Variants in RALYL observed in about 807,000 individuals in gnomAD.
The protein encoded by RALYL is RNA-binding Raly-like protein.
In RALYL, 29 loss-of-function variants were observed where a neutral mutation model predicts 35.1. The observed-to-expected ratio is 0.83, with a 90% CI of 0.61 to 1.13. The LOEUF is 1.13. Among genes scored for constraint, RALYL ranks in the 50% most tolerant of loss-of-function variants. RALYL has a pLI of 0.00. For synonymous variants in RALYL, 120 were observed against 127.6 expected (o/e 0.94, Z 0.40); for missense variants, 359 against 360.4 (o/e 1.00, Z 0.03).
At chr8:84,622,546 C>G (rs183825738) in intron 2 of RALYL, among the ~76,000 whole-genome samples, 70 of 152,228 alleles carry the variant, frequency 4.6e-4, no homozygotes, top group Non-Finnish European at 1.9e-4. Context: ...GAGGGATGTC[C>G]TCAGGGTTAG....
intron 1 of RALYL, among the ~76,000 whole-genome samples, chr8:84,234,795 C>T (rs190325219): frequency 4.0e-5 from 6 of 149,670 alleles, no homozygotes; most frequent in East Asian, 2.0e-4. Context: ...GATGGAGTCT[C>T]GCTCTGTAGC....
rs779600170 is a variant in RALYL, at chr8:84,657,732, T to A, written c.257-116847T>A. Among the ~76,000 whole-genome samples, 3 of 152,108 alleles carry A rather than the reference T, an allele frequency of 2.0e-5. No individual in the cohort carries two copies. The South Asian group carries it at 6.2e-4, about 31-fold the overall frequency. ...TGGGGGGATAAATCAAGAAAGAAGA[T>A]GGGAGATCCAGGAAACTGTGGACCT... is the stretch of plus-strand genomic sequence containing the variant. On this transcript the variant is annotated intron_variant, in intron 2 of 8. Transcript: ENST00000521268.
At chr8:84,251,261 G>A (rs1376059628) in intron 1 of RALYL, among the ~76,000 whole-genome samples, 1 of 152,046 alleles carries the variant, frequency 6.6e-6, no homozygotes, top group Non-Finnish European at 1.5e-5. Context: ...CTCAGAGGAG[G>A]ACTCAGAAAT....
intron 2 of RALYL, among the ~76,000 whole-genome samples, chr8:84,739,303 A>G (rs1219985550): frequency 6.6e-6 from 1 of 151,930 alleles, no homozygotes; most frequent in Non-Finnish European, 1.5e-5. Context: ...CACTGGAAAG[A>G]GAAAAAAGCT....
chr8:84,215,897 A>AAAATGTGT (rs1411971654), intron 1 of RALYL, among the ~76,000 whole-genome samples: 3 of 152,190 alleles, frequency 2.0e-5, no homozygotes, highest in South Asian at 4.1e-4. Context: ...GGGATAAAAT[A>AAAATGTGT]AAATGTGTGT....
At chr8:84,781,840 A>G (rs894825799) in intron 3 of RALYL, among the ~76,000 whole-genome samples, 19 of 152,166 alleles carry the variant, frequency 1.2e-4, no homozygotes, top group Non-Finnish European at 4.4e-5. Flanking sequence ...CGAAAACAGG[A>G]GCAAAATAAT....
chr8:84,362,931 T>C (rs891049710), intron 1 of RALYL, among the ~76,000 whole-genome samples: 3 of 152,044 alleles, frequency 2.0e-5, no homozygotes, highest in African/African-American at 7.2e-5. Context: ...CCTTATACAA[T>C]TGCAGGACAC....
At chr8:84,708,787 A>AT (rs1002162917) in intron 2 of RALYL, among the ~76,000 whole-genome samples, 3 of 152,170 alleles carry the variant, frequency 2.0e-5, no homozygotes, top group African/African-American at 7.2e-5. Flanking sequence ...TTGAGAAAAC[A>AT]TTTTTGGAGT....
chr8:84,658,053 C>A (rs1401482688), intron 2 of RALYL, among the ~76,000 whole-genome samples: 1 of 152,074 alleles, frequency 6.6e-6, no homozygotes, highest in Non-Finnish European at 1.5e-5. Flanking sequence ...CTCCCATGTG[C>A]AATGAAAGTT....
Position 84,293,279 on chromosome 8 carries a change from G to A in RALYL, c.-24+108855G>A, listed in dbSNP as rs575154527. Among the ~76,000 whole-genome samples, 2 of 152,216 alleles carry A rather than the reference G, an allele frequency of 1.3e-5. 1 individual carries two copies. On this transcript the variant is annotated intron_variant, in intron 1 of 8. Coordinates refer to ENST00000521268, the MANE Select transcript of RALYL (RefSeq NM_173848.7). ...CCAATTGTTAGTCCTATTAATTAAC[G>A]TTCATATGACTACAATGGTAGAACC...
At chr8:84,649,298 G>T (rs2131489719) in intron 2 of RALYL, among the ~76,000 whole-genome samples, 1 of 152,094 alleles carries the variant, frequency 6.6e-6, no homozygotes. Flanking sequence ...GATCCCATTT[G>T]TCAACTTTGG....
chr8:84,413,786 G>A (rs964910902), intron 1 of RALYL, among the ~76,000 whole-genome samples: 7 of 151,914 alleles, frequency 4.6e-5, no homozygotes, highest in Non-Finnish European at 7.4e-5. Flanking sequence ...TTAGTGTTAC[G>A]ATAGGCAGTT....
intron 2 of RALYL, among the ~76,000 whole-genome samples, chr8:84,574,148 CT>C: frequency 1.3e-5 from 2 of 151,944 alleles, no homozygotes; most frequent in Non-Finnish European, 2.9e-5. Context: ...TAGCTTGTTT[CT>C]TTTTGAGGCA....
In RALYL at chr8:84,810,439, T is replaced by C. The variant is rs1825660119; in HGVS notation, c.365+5637T>C. On this transcript the variant is annotated intron_variant, in intron 4 of 8. Coordinates refer to ENST00000521268, the MANE Select transcript of RALYL (RefSeq NM_173848.7). ...TGTTTTAGAAAGTCCCATGCACTCT[T>C]GAATAGAATGTGTGTATTCTACAGT... 5.3e-5 allele frequency among the ~76,000 whole-genome samples: 8 copies of C among 152,298 alleles called. No individual in the cohort carries two copies. In the South Asian group the frequency reaches 1.7e-3, roughly 32 times the overall value.
chr8:84,480,147 A>C (rs930458466), intron 1 of RALYL, among the ~76,000 whole-genome samples: 8 of 152,278 alleles, frequency 5.3e-5, no homozygotes, highest in African/African-American at 1.9e-4. Flanking sequence ...ATTATTAATT[A>C]ATTATATTTT....
chr8:84,402,785 A>G (rs975036847), intron 1 of RALYL, among the ~76,000 whole-genome samples: 1 of 152,178 alleles, frequency 6.6e-6, no homozygotes, highest in African/African-American at 2.4e-5. Flanking sequence ...GTAGTTTGTA[A>G]AAATGTTCCT....
At position 84,523,440 on chromosome 8, in the gene RALYL, G is replaced by A. The variant is rs2058624392; in HGVS notation, c.-23-5859G>A. Among the ~76,000 whole-genome samples the A allele has an allele frequency of 2.0e-5, 3 of 152,116 alleles. No homozygotes were observed. In the South Asian group the frequency reaches 6.2e-4, roughly 31 times the overall value. On this transcript the variant is annotated intron_variant, in intron 1 of 8. Transcript: ENST00000521268. ...TATTACAATTCAAGGTGAGATTTGG[G>A]TGGGGACACAAGGACAATCCATATC...
chr8:84,882,382 C>CA (rs1429464274), intron 7 of RALYL, among the ~76,000 whole-genome samples: 1 of 152,008 alleles, frequency 6.6e-6, no homozygotes, highest in Non-Finnish European at 1.5e-5. Context: ...TAAACACAAA[C>CA]AATTTTCTTC....
At chr8:84,752,250 G>A (rs371991274) in intron 2 of RALYL, among the ~76,000 whole-genome samples, 7 of 152,300 alleles carry the variant, frequency 4.6e-5, no homozygotes, top group African/African-American at 1.7e-4. Context: ...GAACTTGAGA[G>A]TGATGACTTA....
Sources: allele counts gnomAD v4.1 joint callset (sites outside exome capture counted in the v4.1 genomes callset), GRCh38; gene constraint gnomAD v4.1.1; transcripts MANE v1.5; gene names NCBI Gene and HGNC (gene_info 2026-07-23, HGNC 2026-07-21).